Variants in SRRM2 observed in about 807,000 individuals in gnomAD.
SRRM2 encodes the protein serine/arginine repetitive matrix 2.
SRRM2 carries 30 observed loss-of-function variants against 213.8 expected under a neutral mutation model. The ratio of observed to expected loss-of-function variants is 0.14; its 90% confidence interval spans 0.10 to 0.19. The LOEUF is 0.19. Ranked by LOEUF, SRRM2 falls within the 10% of genes least tolerant of loss-of-function variation. The pLI is 1.00. For synonymous variants in SRRM2, 2,025 were observed against 1,377.7 expected, an observed-to-expected ratio of 1.47 and a Z score of -10.40; for missense variants, 4,904 against 3,647.0, an observed-to-expected ratio of 1.34 and a Z score of -8.88.
intron 1 of SRRM2, among the ~76,000 whole-genome samples, chr16:2,755,687 T>G (rs147886042): frequency 6.6e-6 from 1 of 152,240 alleles, no homozygotes; most frequent in Non-Finnish European, 1.5e-5. Flanking sequence ...AAGGTTCATG[T>G]GTGTTTCTGA....
chr16:2,754,318 G>C (rs976725350), intron 1 of SRRM2, among the ~76,000 whole-genome samples: 2 of 151,554 alleles, frequency 1.3e-5, no homozygotes, highest in East Asian at 1.9e-4. Context: ...TTCCGAGACG[G>C]AGTCTAGCTC....
At position 2,766,773 on chromosome 16, in the gene SRRM2, G is replaced by T. The variant is rs746751609; in HGVS notation, c.6245G>T (p.Gly2082Val). Residue 2082 changes from glycine to valine, a missense_variant, in exon 11 of 15, where the codon GGA becomes GTA. Physicochemically the swap from Gly to Val is moderately radical, Grantham distance 109. Transcript: ENST00000301740. The surrounding 1 kb of genome is among the most constrained non-coding windows in gnomAD (Gnocchi z 7.0). ...GCCATCCGCAGGCGTTCTGCATCTGGAAGTAGTTCTGATCGTTCACGATCT... is the reference window on the plus strand; with the variant it reads ...GCCATCCGCAGGCGTTCTGCATCTGTAAGTAGTTCTGATCGTTCACGATCT... The part of the protein sequence containing the change: ...PPAIRRRSAS[G>V]SSSDRSRSAT... 1.2e-5 allele frequency: 20 copies of T among 1,613,992 alleles called. No individual in the cohort carries two copies. The Admixed American group carries it at 1.3e-4, about 11-fold the overall frequency.
intron 11 of SRRM2, chr16:2,768,615 TC>T: frequency 1.6e-6 from 1 of 629,818 alleles, no homozygotes; most frequent in Non-Finnish European, 3.0e-6. Flanking sequence ...CCCATCCCTC[TC>T]CCTGCCTCCA....
intron 9 of SRRM2, chr16:2,760,088 G>A: frequency 1.6e-6 from 1 of 607,146 alleles, no homozygotes; most frequent in Non-Finnish European, 2.9e-6. Flanking sequence ...TAAAGGGGTA[G>A]AGGGAGAACG....
intron 1 of SRRM2, among the ~76,000 whole-genome samples, chr16:2,754,179 CT>C (rs1305666143): frequency 6.6e-6 from 1 of 152,162 alleles, no homozygotes; most frequent in Non-Finnish European, 1.5e-5. Context: ...TAACACACCC[CT>C]TAGATGCCGT....
At chr16:2,768,394 G>T (rs1271177599) in intron 11 of SRRM2, 133 bp downstream of exon 11, 3 of 1,015,912 alleles carry the variant, frequency 3.0e-6, no homozygotes, top group African/African-American at 1.6e-5. Context: ...CCTCAAGCTG[G>T]GGGTAGAAGA....
At position 2,762,473 on chromosome 16, in the gene SRRM2, T is replaced by A. The variant is rs1198531011; in HGVS notation, c.1945T>A (p.Ser649Thr). Residue 649 changes from serine to threonine, a missense_variant, in exon 11 of 15, where the codon TCT becomes ACT. Transcript: ENST00000301740. Reference sequence around the variant, plus strand: ...AGCCAGGAGAAGTGGCAGGTCACGCTCTAGAACCCCAGCTAGACGTGGCCG... The same window carrying A: ...AGCCAGGAGAAGTGGCAGGTCACGCACTAGAACCCCAGCTAGACGTGGCCG... ...SPARRSGRSR[S>T]RTPARRGRSR... 3.7e-6 allele frequency: 6 copies of A among 1,613,164 alleles called. No homozygotes were observed. Among genetic ancestry groups the A allele is most frequent in the Non-Finnish European group, 4.2e-6 (5 of 1,179,780 alleles).
chr16:2,770,486 C>G, intron 13 of SRRM2, 21 bp downstream of exon 13: 1 of 1,591,218 alleles, frequency 6.3e-7, no homozygotes, highest in Non-Finnish European at 8.6e-7. Flanking sequence ...CTGCAGGTGT[C>G]AGCACCCAGC....
chr16:2,762,069 G>T lies in SRRM2; in HGVS notation c.1541G>T (p.Arg514Leu). Residue 514 changes from arginine (R) to leucine (L), a missense_variant, in exon 11 of 15, where the codon CGT (arginine) becomes CTT (leucine). Transcript: ENST00000301740. ...GHSRSRSPQW[R>L]RSRSAQRWGR... ...TCTCGATCCCGATCTCCCCAGTGGCGTAGGTCCAGGTCTGCACAGAGGTGG... is the reference window on the plus strand; with the variant it reads ...TCTCGATCCCGATCTCCCCAGTGGCTTAGGTCCAGGTCTGCACAGAGGTGG... The T allele has an allele frequency of 1.9e-6, 3 of 1,614,228 alleles. No homozygotes were observed. Among genetic ancestry groups the T allele is most frequent in the Non-Finnish European group, 2.5e-6 (3 of 1,180,032 alleles).
chr16:2,763,307 CAAAG>C lies in SRRM2; in HGVS notation c.2782_2785del (p.Arg928AlafsTer13), dbSNP rs2150776380. ...AGTGAAGGCAATAATATCACCAAGA[CAAAG>C]AAGCCATTCTGGCTCCTCTTCTCCA... On this transcript the variant is annotated frameshift_variant, in exon 11 of 15. Transcript: ENST00000301740. LOFTEE classifies it high-confidence loss of function. 3 of 1,614,164 alleles carry C rather than the reference CAAAG, an allele frequency of 1.9e-6. No individual in the cohort carries two copies. Among genetic ancestry groups the C allele is most frequent in the East Asian group, 2.2e-5 (1 of 44,884 alleles).
chr16:2,770,688 C>T lies in SRRM2; in HGVS notation c.8220C>T (p.Ser2740=), dbSNP rs779697591. Residue 2740 remains serine (S), a synonymous_variant, in exon 14 of 15, where the codon AGC becomes AGT. Transcript: ENST00000301740. ...ACAAGCGCAGGAGGGAGACACCTAGCCCTCGGCCCATGAGACACCGCTCCT... is the reference window on the plus strand; with the variant it reads ...ACAAGCGCAGGAGGGAGACACCTAGTCCTCGGCCCATGAGACACCGCTCCT... The part of the protein sequence containing the change: ...PSHKRRRETP[S]PRPMRHRSSR... 6 of 1,556,920 alleles carry T rather than the reference C, an allele frequency of 3.9e-6. No homozygotes were observed. The highest frequency in any genetic ancestry group is 3.9e-5 in the Admixed American group (2 of 51,702).
intron 5 of SRRM2, 106 bp from the exon 6 acceptor site, chr16:2,758,879 T>C (rs1364248735): frequency 8.0e-7 from 1 of 1,244,580 alleles, no homozygotes; most frequent in Non-Finnish European, 1.1e-6. Context: ...ATTAGTGCTA[T>C]TAGGACATTC....
intron 3 of SRRM2, 89 bp downstream of exon 3, chr16:2,757,668 C>G (rs781766061): frequency 1.3e-4 from 212 of 1,580,090 alleles, no homozygotes; most frequent in Non-Finnish European, 1.8e-4. Flanking sequence ...GGGACTTCCT[C>G]CCTGCTTTCG....
At chr16:2,768,890 C>A (rs772510394) in intron 11 of SRRM2, 107 bp from the exon 12 acceptor site, 4 of 1,555,118 alleles carry the variant, frequency 2.6e-6, no homozygotes, top group Non-Finnish European at 3.5e-6. Context: ...GAGCTCCCAG[C>A]GCCTTTCTCA....
chr16:2,753,345 C>A (rs2068011352), intron 1 of SRRM2: 2 of 152,364 alleles, frequency 1.3e-5, no homozygotes, highest in East Asian at 3.9e-4. Flanking sequence ...GCCCCCTCCC[C>A]CATTCCGCAA....
chr16:2,764,411 G>C lies in SRRM2; in HGVS notation c.3883G>C (p.Ala1295Pro), dbSNP rs563915503. ...GAGCCAGTCACAGGCTTCTTTGGAA[G>C]CAGTAGAAGTCCCTTCAATGGCCTC... ...DQSQSQASLE[A>P]VEVPSMASSW... The change falls in exon 11 of 15, where the codon GCA becomes CCA. Residue 1295 changes from alanine to proline, a missense_variant. Physicochemically the swap from Ala to Pro is conservative, Grantham distance 27. Coordinates refer to ENST00000301740, the MANE Select transcript of SRRM2 (RefSeq NM_016333.4). The C allele has an allele frequency of 1.2e-6, 2 of 1,612,870 alleles. No individual in the cohort carries two copies. The highest frequency in any genetic ancestry group is 4.5e-5 in the East Asian group (2 of 44,892).
chr16:2,756,631 A>C, intron 2 of SRRM2, 25 bp downstream of exon 2: 1 of 1,599,752 alleles, frequency 6.3e-7, no homozygotes, highest in Non-Finnish European at 8.5e-7. Context: ...GGGGAGAGTC[A>C]AGCACTGAAT....
chr16:2,760,536 A>G, intron 10 of SRRM2, 37 bp downstream of exon 10: 4 of 1,607,034 alleles, frequency 2.5e-6, no homozygotes, highest in East Asian at 4.5e-5. Flanking sequence ...TTGGATTGCA[A>G]ATGTATAGAT....
In SRRM2 at chr16:2,762,262, A is replaced by T. The variant is rs542546823; in HGVS notation, c.1734A>T (p.Pro578=). Residue 578 remains proline, a synonymous_variant, in exon 11 of 15, where the codon CCA becomes CCT. Coordinates refer to ENST00000301740, the MANE Select transcript of SRRM2 (RefSeq NM_016333.4). ...ATRGRSRSRT[P]ARRGRSRSRT... ...GGGGTAGATCTCGTTCTAGAACACC[A>T]GCCCGCCGGGGCAGGTCCCGCTCTA... The T allele has an allele frequency of 1.2e-6, 2 of 1,601,690 alleles. No homozygotes were observed. Among genetic ancestry groups the T allele is most frequent in the Non-Finnish European group, 1.7e-6 (2 of 1,175,664 alleles).
Sources: gnomAD v4.1 joint callset for allele counts (sites outside exome capture counted in the v4.1 genomes callset) on GRCh38, gnomAD v4.1.1 for gene constraint, Gnocchi (gnomAD v3.1) non-coding constraint, MANE v1.5 for transcripts, NCBI Gene and HGNC (gene_info 2026-07-23, HGNC 2026-07-21) for gene names.